The following KLRD1 variants were observed in gnomAD, a reference collection of about 807,000 sequenced individuals.
KLRD1 encodes killer cell lectin like receptor D1.
A neutral mutation model predicts 22.6 loss-of-function variants in KLRD1; 21 were observed. The observed-to-expected ratio is 0.93, with a 90% CI of 0.66 to 1.34. The LOEUF (loss-of-function observed/expected upper bound fraction) is 1.34. KLRD1 is among the 40% of genes most tolerant of loss of function. KLRD1 has a pLI of 0.00. For missense variants in KLRD1, 183 were observed against 208.6 expected (o/e 0.88, Z 0.76); for synonymous variants, 59 against 71.1 (o/e 0.83, Z 0.85).
chr12:10,311,322 T>C, intron 3 of KLRD1, 142 bp from the exon 4 acceptor site: 1 of 584,592 alleles, frequency 1.7e-6, no homozygotes, highest in Non-Finnish European at 2.9e-6. Context: ...TAGTTCACAT[T>C]AGTAGCCCCT....
intron 1 of KLRD1, among the ~76,000 whole-genome samples, chr12:10,240,953 C>T (rs1317769221): frequency 6.6e-6 from 1 of 151,922 alleles, no homozygotes; most frequent in Non-Finnish European, 1.5e-5. Flanking sequence ...AGTTCAACAT[C>T]TTCTTCTTTT....
In KLRD1 at chr12:10,314,688, A is replaced by C. The variant is rs973137959; in HGVS notation, c.435A>C (p.Glu145Asp). 3 of 1,571,644 alleles carry C rather than the reference A, an allele frequency of 1.9e-6. No individual in the cohort carries two copies. The African/African-American group carries it at 4.1e-5, about 22-fold the overall frequency. Residue 145 changes from glutamate to aspartate, a missense_variant, in exon 6 of 6, where the codon GAA becomes GAC. By Grantham distance (45) the Glu-to-Asp change is conservative. Transcript: ENST00000336164. ...ALSQYLFPSFETFNTKNCIAY... is the reference protein window; with the variant it reads ...ALSQYLFPSFDTFNTKNCIAY... Reference sequence around the variant, plus strand: ...TTCATTACAGATTTCCATCATTTGAAACTTTTAATACAAAGAACTGCATAG... The same window carrying C: ...TTCATTACAGATTTCCATCATTTGACACTTTTAATACAAAGAACTGCATAG...
intron 1 of KLRD1, among the ~76,000 whole-genome samples, chr12:10,280,088 G>A (rs542000864): frequency 1.3e-5 from 2 of 152,190 alleles, no homozygotes; most frequent in Non-Finnish European, 2.9e-5. Flanking sequence ...ACCAACAATC[G>A]TTACAATAAC....
At chr12:10,309,128 A>G (rs556839382) in intron 1 of KLRD1, 3 of 312,450 alleles carry the variant, frequency 9.6e-6, no homozygotes, top group Admixed American at 4.5e-5. Context: ...TTTAAAATAA[A>G]TGGTAAATTC....
At position 10,323,864 on chromosome 12, in the gene KLRD1, C is replaced by CTTTTAT. The variant is rs1950334159; in HGVS notation, c.*9075_*9076insATTTTT. The CTTTTAT allele has an allele frequency of 9.4e-6, 1 of 106,342 alleles. No individual in the cohort carries two copies. Among genetic ancestry groups the CTTTTAT allele is most frequent in the Non-Finnish European group, 1.8e-5 (1 of 54,630 alleles). The allele number at this position is 106,342 out of a possible 1,614,324, so 6.6% of individuals were successfully genotyped here. ...TTCCCTTTTATTTCTTATTTCTTTCCTTTTTTTTTTTTTTTGAGACTGAGT... is the reference window on the plus strand; with the variant it reads ...TTCCCTTTTATTTCTTATTTCTTTCCTTTTATTTTTTTTTTTTTTTTGAGACTGAGT... On this transcript the variant is annotated 3_prime_UTR_variant, in exon 6 of 6. Transcript: ENST00000336164.
chr12:10,288,496 A>T (rs1949732667), intron 1 of KLRD1, among the ~76,000 whole-genome samples: 1 of 152,200 alleles, frequency 6.6e-6, no homozygotes, highest in Non-Finnish European at 1.5e-5. Context: ...TTAGAGGTAG[A>T]GGTAGACAAA....
intron 1 of KLRD1, among the ~76,000 whole-genome samples, chr12:10,258,475 T>C (rs1251403530): frequency 1.3e-5 from 2 of 152,152 alleles, no homozygotes; most frequent in Non-Finnish European, 2.9e-5. Context: ...GGAACAATAA[T>C]TGGGAATTCA....
At chr12:10,250,156 C>G (rs1257042138) in intron 1 of KLRD1, among the ~76,000 whole-genome samples, 3 of 150,656 alleles carry the variant, frequency 2.0e-5, no homozygotes, top group African/African-American at 7.4e-5. Context: ...CAACCACTCT[C>G]TCTCTTAAGT....
At chr12:10,239,431 TC>T (rs1219415245) in intron 1 of KLRD1, among the ~76,000 whole-genome samples, 2 of 34,382 alleles carry the variant, frequency 5.8e-5, no homozygotes, top group African/African-American at 1.3e-4. Context: ...CATCCTTCCT[TC>T]CTTTCCTTCC....
chr12:10,282,191 TAATAA>T (rs1258940331), intron 1 of KLRD1, among the ~76,000 whole-genome samples: 1 of 152,152 alleles, frequency 6.6e-6, no homozygotes, highest in African/African-American at 2.4e-5. Flanking sequence ...CAGCATTATA[TAATAA>T]AATACATTCT....
chr12:10,239,732 C>T lies in KLRD1; in HGVS notation c.-101+13499C>T, dbSNP rs371625694. Among the ~76,000 whole-genome samples the T allele has an allele frequency of 3.3e-5, 5 of 151,430 alleles. No individual in the cohort carries two copies. In the East Asian group the frequency reaches 9.7e-4, roughly 29 times the overall value. Reference sequence around the variant, plus strand: ...TCTCAGTTCACTGTAACCTCCACTTCCCGGGTTCAGGCGATTCTCCTGCCT... The same window carrying T: ...TCTCAGTTCACTGTAACCTCCACTTTCCGGGTTCAGGCGATTCTCCTGCCT... On this transcript the variant is annotated intron_variant, in intron 1 of 5. Coordinates refer to the KLRD1 transcript ENST00000544747.
chr12:10,314,596 A>G (rs1390541023), intron 5 of KLRD1, 77 bp from the exon 6 acceptor site: 25 of 1,333,726 alleles, frequency 1.9e-5, no homozygotes, highest in Non-Finnish European at 2.5e-5. Context: ...TTTAAAATTT[A>G]TATCATTTAA....
intron 1 of KLRD1, among the ~76,000 whole-genome samples, chr12:10,267,150 T>C (rs1221656364): frequency 6.6e-6 from 1 of 151,238 alleles, no homozygotes; most frequent in African/African-American, 2.4e-5. Flanking sequence ...TCAATATGTA[T>C]TTTATTAATC....
intron 1 of KLRD1, among the ~76,000 whole-genome samples, chr12:10,260,343 C>CT (rs529719245): frequency 8.6e-4 from 129 of 149,970 alleles, no homozygotes; most frequent in Non-Finnish European, 1.5e-3. Context: ...TTCTGTTTGT[C>CT]TTTTTTTTTC....
upstream of KLRD1, among the ~76,000 whole-genome samples, chr12:10,299,620 T>C (rs1464624518): frequency 6.6e-6 from 1 of 152,180 alleles, no homozygotes; most frequent in Non-Finnish European, 1.5e-5. Context: ...TAATTTTTTG[T>C]TGGTGGAGGG....
intron 1 of KLRD1, among the ~76,000 whole-genome samples, chr12:10,252,954 T>TA (rs11460315): frequency 0.096 from 13,976 of 145,044 alleles, 1,501 homozygotes; most frequent in African/African-American, 0.27. Context: ...TGGGCAGTTG[T>TA]AAAAAAAAAA....
At position 10,291,944 on chromosome 12, in the gene KLRD1, C is replaced by T. The variant is rs144077242; in HGVS notation, c.-100-16034C>T. On this transcript the variant is annotated intron_variant, in intron 1 of 5. Transcript: ENST00000544747. ...TGCTAAGGATGATGGCTTCCAGCTTCATCCATGTCCCTGCAAAGGACATAA... is the reference window on the plus strand; with the variant it reads ...TGCTAAGGATGATGGCTTCCAGCTTTATCCATGTCCCTGCAAAGGACATAA... 9.0e-3 allele frequency among the ~76,000 whole-genome samples: 1,373 copies of T among 152,264 alleles called. 81 individuals are homozygous for T. The East Asian group carries it at 0.15, about 16-fold the overall frequency.
At chr12:10,307,535 A>C (rs1042489602), upstream of KLRD1, among the ~76,000 whole-genome samples, 13 of 152,216 alleles carry the variant, frequency 8.5e-5, no homozygotes, top group Non-Finnish European at 1.8e-4. Flanking sequence ...TTACAGAAAT[A>C]AATGAGCTAA....
At chr12:10,249,423 G>A (rs1302514861) in intron 1 of KLRD1, among the ~76,000 whole-genome samples, 2 of 152,192 alleles carry the variant, frequency 1.3e-5, no homozygotes, top group African/African-American at 4.8e-5. Flanking sequence ...ACCTTGTGAT[G>A]AGGATACTTT....
Sources: gnomAD v4.1 joint callset for allele counts (sites outside exome capture counted in the v4.1 genomes callset) on GRCh38, gnomAD v4.1.1 for gene constraint, MANE v1.5 for transcripts, NCBI Gene and HGNC (gene_info 2026-07-23, HGNC 2026-07-21) for gene names.